The following MRTFA variants were observed in gnomAD, a reference collection of about 807,000 sequenced individuals.
MRTFA encodes the protein myocardin-related transcription factor A.
In MRTFA, 20 loss-of-function variants were observed where a neutral mutation model predicts 83.5. That is an observed-to-expected ratio of 0.24 (90% CI 0.17 to 0.35). The LOEUF is 0.35. Among genes scored for constraint, MRTFA ranks in the 10% least tolerant of loss-of-function variants. MRTFA has a pLI of 1.00. For synonymous variants in MRTFA, 659 were observed against 541.2 expected, an observed-to-expected ratio of 1.22 and a Z score of -3.02; for missense variants, 1,200 against 1,224.7, an observed-to-expected ratio of 0.98 and a Z score of 0.30.
chr22:40,492,908 T>C (rs915576290), intron 3 of MRTFA, among the ~76,000 whole-genome samples: 2 of 152,176 alleles, frequency 1.3e-5, no homozygotes, highest in Non-Finnish European at 2.9e-5. Context: ...GCTGACAAAA[T>C]ATTTAAAAGA....
intron 10 of MRTFA, 109 bp from the exon 11 acceptor site, chr22:40,420,685 G>A (rs1343854491): frequency 5.8e-6 from 9 of 1,539,382 alleles, no homozygotes; most frequent in Non-Finnish European, 7.9e-6. Context: ...ATGGGGCAAG[G>A]GCCCAGCAAA....
rs1294155567 is a variant in MRTFA at position 40,411,288 on chromosome 22, C to T, written c.*102G>A. ...GGGAAAAAGCAGGGGCTGTGATTGTCAAGACTCACAACCATGTGGAGAGGC... is the reference window on the plus strand; with the variant it reads ...GGGAAAAAGCAGGGGCTGTGATTGTTAAGACTCACAACCATGTGGAGAGGC... On this transcript the variant is annotated 3_prime_UTR_variant, in exon 15 of 15. Coordinates refer to ENST00000355630, the MANE Select transcript of MRTFA (RefSeq NM_020831.6). 2.9e-5 allele frequency: 37 copies of T among 1,272,470 alleles called. No individual in the cohort carries two copies. Among genetic ancestry groups the T allele is most frequent in the Non-Finnish European group, 3.7e-5 (34 of 930,904 alleles). 78.8% of individuals were successfully genotyped at this position (1,272,470 alleles called of 1,614,324 possible).
At chr22:40,542,280 C>T (rs2055304529) in intron 3 of MRTFA, among the ~76,000 whole-genome samples, 1 of 152,176 alleles carries the variant, frequency 6.6e-6, no homozygotes, top group South Asian at 2.1e-4. Context: ...CTTTGGATCT[C>T]TGCTTAAATG....
intron 3 of MRTFA, among the ~76,000 whole-genome samples, chr22:40,547,714 G>A (rs1422220566): frequency 2.6e-5 from 4 of 151,918 alleles, no homozygotes; most frequent in African/African-American, 9.7e-5. Flanking sequence ...AATCAGTCTG[G>A]CGTGGTGGCG....
intron 4 of MRTFA, among the ~76,000 whole-genome samples, chr22:40,457,745 A>G (rs1447978735): frequency 6.6e-6 from 1 of 152,222 alleles, no homozygotes; most frequent in Non-Finnish European, 1.5e-5. Flanking sequence ...ATGGGAAAAT[A>G]GTAAGTTGAG....
At chr22:40,618,111 G>C (rs1208987796) in intron 1 of MRTFA, among the ~76,000 whole-genome samples, 3 of 151,178 alleles carry the variant, frequency 2.0e-5, no homozygotes, top group Non-Finnish European at 4.4e-5. Context: ...GTCTCGCTCT[G>C]TTGCCCAGGC....
At chr22:40,586,710 G>C (rs1192931256) in intron 2 of MRTFA, 1 of 268,298 alleles carries the variant, frequency 3.7e-6, no homozygotes, top group Non-Finnish European at 7.3e-6. Flanking sequence ...TCATGCAGCA[G>C]GCTTCGTTTC....
intron 8 of MRTFA, 94 bp downstream of exon 8, chr22:40,424,112 G>A: frequency 7.4e-7 from 1 of 1,345,048 alleles, no homozygotes; most frequent in South Asian, 1.6e-5. Context: ...CCCTGTGCCA[G>A]AGCAGGAGGC....
chr22:40,632,735 C>A (rs1481794805), intron 1 of MRTFA, among the ~76,000 whole-genome samples: 1 of 152,174 alleles, frequency 6.6e-6, no homozygotes, highest in Non-Finnish European at 1.5e-5. Flanking sequence ...CGTGCCCAGC[C>A]ATTATTGCAA....
intron 3 of MRTFA, among the ~76,000 whole-genome samples, chr22:40,481,051 T>C (rs1042403828): frequency 3.3e-5 from 5 of 152,122 alleles, no homozygotes; most frequent in Admixed American, 6.5e-5. Flanking sequence ...GAGGCTGCAG[T>C]GAGCCATGAT....
At chr22:40,421,351 G>A (rs550301000) in intron 9 of MRTFA, among the ~76,000 whole-genome samples, 1 of 152,280 alleles carries the variant, frequency 6.6e-6, no homozygotes, top group East Asian at 1.9e-4. Context: ...TCTAGCTCAA[G>A]CAAAGACATC....
chr22:40,603,581 C>G (rs968807473), intron 1 of MRTFA, among the ~76,000 whole-genome samples: 2 of 152,080 alleles, frequency 1.3e-5, no homozygotes, highest in African/African-American at 4.8e-5. Context: ...CACTGAGATT[C>G]AAGGAGACAA....
intron 3 of MRTFA, among the ~76,000 whole-genome samples, chr22:40,513,691 C>T (rs2054707116): frequency 6.7e-6 from 1 of 149,882 alleles, no homozygotes; most frequent in Non-Finnish European, 1.5e-5. Context: ...AAATATGCCA[C>T]AATGATCTCC....
At chr22:40,594,392 T>A (rs1453228095) in intron 2 of MRTFA, among the ~76,000 whole-genome samples, 1 of 152,042 alleles carries the variant, frequency 6.6e-6, no homozygotes, top group Admixed American at 6.6e-5. Flanking sequence ...TATGTGTGGG[T>A]GGGTACATGT....
intron 4 of MRTFA, among the ~76,000 whole-genome samples, chr22:40,444,644 G>A (rs2053341810): frequency 6.6e-6 from 1 of 152,186 alleles, no homozygotes; most frequent in Admixed American, 6.5e-5. Flanking sequence ...ATTAAGGATT[G>A]CATCCTGAGA....
At chr22:40,548,722 G>A (rs2055403763) in intron 3 of MRTFA, among the ~76,000 whole-genome samples, 1 of 151,900 alleles carries the variant, frequency 6.6e-6, no homozygotes, top group South Asian at 2.1e-4. Context: ...AAATTACCTG[G>A]GCGTGGTGTT....
At chr22:40,622,219 C>A (rs770956918) in intron 1 of MRTFA, among the ~76,000 whole-genome samples, 1 of 152,112 alleles carries the variant, frequency 6.6e-6, no homozygotes, top group Admixed American at 6.6e-5. Context: ...CGGTGGCTCA[C>A]GCCTGTAATC....
chr22:40,457,586 A>G (rs1353140257), intron 4 of MRTFA, among the ~76,000 whole-genome samples: 1 of 152,020 alleles, frequency 6.6e-6, no homozygotes, highest in Non-Finnish European at 1.5e-5. Context: ...TTAAGAAGAA[A>G]TTTTAACTCT....
At chr22:40,631,584 T>C (rs1368059598) in intron 1 of MRTFA, among the ~76,000 whole-genome samples, 1 of 152,190 alleles carries the variant, frequency 6.6e-6, no homozygotes, top group African/African-American at 2.4e-5. Flanking sequence ...GCTGTGTAAC[T>C]GCTCATCTAT....
Sources: gnomAD v4.1 joint callset for allele counts (sites outside exome capture counted in the v4.1 genomes callset) on GRCh38, gnomAD v4.1.1 for gene constraint, MANE v1.5 for transcripts, NCBI Gene and HGNC (gene_info 2026-07-23, HGNC 2026-07-21) for gene names.